Variants in PRG4 observed in about 807,000 individuals in gnomAD.
PRG4 encodes the protein proteoglycan 4, also known as articular superficial zone protein.
PRG4 carries 61 observed loss-of-function variants against 91.2 expected under a neutral mutation model. That is an observed-to-expected ratio of 0.67 (90% CI 0.54 to 0.83). PRG4 has a LOEUF of 0.83. Ranked by LOEUF, PRG4 falls within the 40% of genes least tolerant of loss-of-function variation. The pLI is 0.00. For missense variants in PRG4, 1,564 were observed against 1,714.2 expected, an observed-to-expected ratio of 0.91 and a Z score of 1.55; for synonymous variants, 576 against 614.2, an observed-to-expected ratio of 0.94 and a Z score of 0.92.
rs767376683 is a variant in PRG4, at chr1:186,304,169, A to T, written c.381A>T (p.Gln127His). The T allele has an allele frequency of 1.2e-6, 2 of 1,614,022 alleles. No individual in the cohort carries two copies. Among genetic ancestry groups the T allele is most frequent in the Non-Finnish European group, 1.7e-6 (2 of 1,179,832 alleles). ...KKAPPPSGAS[Q>H]TIKSTTKRSP... ...CACCTCCACCTTCAGGAGCATCTCA[A>T]ACCATCAAATCAACAACCAAACGTT... The change falls in exon 5 of 13, where the codon CAA becomes CAT. Residue 127 changes from glutamine to histidine, a missense_variant. By Grantham distance (24) the Gln-to-His change is conservative. Coordinates refer to ENST00000445192, the MANE Select transcript of PRG4 (RefSeq NM_005807.6).
At chr1:186,313,480 T>G in intron 12 of PRG4, 2 of 525,950 alleles carry the variant, frequency 3.8e-6, no homozygotes, top group Non-Finnish European at 6.7e-6. Context: ...GATGGTGAAA[T>G]GTCAATCTTT....
At chr1:186,310,922 TA>T in intron 8 of PRG4, 111 bp from the exon 9 acceptor site, 1 of 1,208,966 alleles carries the variant, frequency 8.3e-7, no homozygotes, top group Non-Finnish European at 1.2e-6. Flanking sequence ...TGTATCTGAC[TA>T]AACTTCCAGT....
chr1:186,300,284 C>T (rs1440442383), intron 3 of PRG4, 71 bp downstream of exon 3: 22 of 1,590,772 alleles, frequency 1.4e-5, no homozygotes, highest in Non-Finnish European at 1.7e-5. Flanking sequence ...CTTGCACCCT[C>T]GTGCAGTGCT....
At position 186,309,836 on chromosome 1, in the gene PRG4, T is replaced by G; in HGVS notation, c.3465T>G (p.Thr1155=). Residue 1155 remains threonine (T), a synonymous_variant, in exon 8 of 13, where the codon ACT becomes ACG. Coordinates refer to ENST00000445192, the MANE Select transcript of PRG4 (RefSeq NM_005807.6). ...ATGGTAAGCCAGTAGATGGACTGAC[T>G]ACTTTGCGCAATGGGACATTAGTTG... ...ICNGKPVDGL[T]TLRNGTLVAF... is the part of the protein sequence containing the mutation. 1 of 1,613,964 alleles carries G rather than the reference T, an allele frequency of 6.2e-7. No individual in the cohort carries two copies.
At chr1:186,310,716 G>A (rs531597983) in intron 8 of PRG4, among the ~76,000 whole-genome samples, 19 of 145,502 alleles carry the variant, frequency 1.3e-4, no homozygotes, top group African/African-American at 4.9e-4. Flanking sequence ...TGTCCACGCT[G>A]GTCTCAAACT....
At chr1:186,300,680 G>A (rs989307100) in intron 3 of PRG4, among the ~76,000 whole-genome samples, 6 of 152,272 alleles carry the variant, frequency 3.9e-5, no homozygotes, top group Non-Finnish European at 5.9e-5. Context: ...ATGTTAACAC[G>A]TTTGTAAATT....
chr1:186,307,749 C>G lies in PRG4; in HGVS notation c.2030C>G (p.Pro677Arg), dbSNP rs1239376187. The change falls in exon 7 of 13, where the codon CCT becomes CGT. Residue 677 changes from proline to arginine, a missense_variant. Coordinates refer to ENST00000445192, the MANE Select transcript of PRG4 (RefSeq NM_005807.6). Reference protein sequence around the residue: ...TTPKAAAPNTPKEPAPTTPKE... With the variant: ...TTPKAAAPNTRKEPAPTTPKE... ...CCCAAGGCAGCGGCTCCCAACACCC[C>G]TAAGGAGCCTGCTCCAACTACCCCT... The G allele has an allele frequency of 1.2e-6, 2 of 1,610,596 alleles. No homozygotes were observed. Among genetic ancestry groups the G allele is most frequent in the African/African-American group, 2.7e-5 (2 of 74,270 alleles).
chr1:186,310,171 TAA>T (rs578082128), intron 8 of PRG4, among the ~76,000 whole-genome samples: 2 of 127,460 alleles, frequency 1.6e-5, no homozygotes, highest in Non-Finnish European at 3.4e-5. Flanking sequence ...AAAAATAAAA[TAA>T]AATTTTAATT....
chr1:186,300,312 C>G, intron 3 of PRG4, 99 bp downstream of exon 3: 1 of 1,467,104 alleles, frequency 6.8e-7, no homozygotes, highest in Middle Eastern at 2.4e-4. Flanking sequence ...TGAGCCTCCC[C>G]TTGCACCCAC....
At position 186,308,552 on chromosome 1, in the gene PRG4, A is replaced by G. The variant is rs1230713014; in HGVS notation, c.2833A>G (p.Thr945Ala). The G allele has an allele frequency of 1.9e-6, 3 of 1,613,682 alleles. No individual in the cohort carries two copies. Reference protein sequence around the residue: ...PKMTKETATTTEKTTESKITA... With the variant: ...PKMTKETATTAEKTTESKITA... ...GATGACAAAAGAGACAGCAACTACAACAGAAAAAACTACCGAATCCAAAAT... is the reference window on the plus strand; with the variant it reads ...GATGACAAAAGAGACAGCAACTACAGCAGAAAAAACTACCGAATCCAAAAT... The change falls in exon 7 of 13, where the codon ACA becomes GCA. Residue 945 changes from threonine (T) to alanine (A), a missense_variant. Around this residue, in one of 3 missense-constraint regions of PRG4, gnomAD observed 1,079 missense variants for 1,162.2 expected, o/e 0.93. Transcript: ENST00000445192.
chr1:186,312,723 C>T (rs752727412), intron 11 of PRG4, 46 bp from the exon 12 acceptor site: 2 of 1,592,666 alleles, frequency 1.3e-6, no homozygotes, highest in East Asian at 4.5e-5. Flanking sequence ...CAAGATAGTA[C>T]ATTGCCTTTT....
At chr1:186,313,528 TTTTC>T (rs1474081661) in intron 12 of PRG4, 149 bp from the exon 13 acceptor site, 2 of 581,440 alleles carry the variant, frequency 3.4e-6, no homozygotes, top group South Asian at 2.2e-5. Flanking sequence ...AGGCAATTGT[TTTTC>T]TTTTTGTTAT....
chr1:186,298,877 T>TAA (rs575661487), intron 2 of PRG4, among the ~76,000 whole-genome samples: 41 of 151,682 alleles, frequency 2.7e-4, no homozygotes, highest in Non-Finnish European at 5.5e-4. Context: ...TCTTTATATA[T>TAA]AATATATGTA....
At chr1:186,302,115 T>C (rs1656263974) in intron 4 of PRG4, among the ~76,000 whole-genome samples, 2 of 152,188 alleles carry the variant, frequency 1.3e-5, no homozygotes, top group Admixed American at 1.3e-4. Flanking sequence ...GCCTCAGTGT[T>C]TGAGTATATA....
chr1:186,296,941 T>G lies in PRG4; in HGVS notation c.66T>G (p.Val22=), dbSNP rs747235614. ...TGTCTGTTTTCGTGATTCAGCAAGT[T>G]TCATCTCAAGGTAGCTTAACCATCG... ...LLLSVFVIQQ[V]SSQDLSSCAG... Residue 22 remains valine (V), a synonymous_variant, in exon 2 of 13, where the codon GTT becomes GTG. Coordinates refer to ENST00000445192, the MANE Select transcript of PRG4 (RefSeq NM_005807.6). The G allele has an allele frequency of 1.2e-6, 2 of 1,613,312 alleles. No individual in the cohort carries two copies. Among genetic ancestry groups the G allele is most frequent in the Non-Finnish European group, 1.7e-6 (2 of 1,179,300 alleles).
Position 186,300,226 on chromosome 1 carries a change from AGCGGGTGTCT to A in PRG4, c.199+14_199+23del, listed in dbSNP as rs751277120. 6.6e-5 allele frequency: 107 copies of A among 1,613,736 alleles called. No individual in the cohort carries two copies. In the South Asian group the frequency reaches 1.1e-3, roughly 17 times the overall value. ...GTCTGCACTGCGGGTAAGTCCTGAG[AGCGGGTGTCT>A]CCTCTGTCAAGCAACACTGCGAGTC... is the stretch of plus-strand genomic sequence containing the variant. On this transcript the variant is annotated intron_variant, in intron 3 of 12. Transcript: ENST00000445192.
chr1:186,299,693 T>C (rs764850775), intron 2 of PRG4, among the ~76,000 whole-genome samples: 3 of 152,176 alleles, frequency 2.0e-5, no homozygotes, highest in Non-Finnish European at 2.9e-5. Flanking sequence ...TACTAAATCC[T>C]GGAAACATTT....
intron 4 of PRG4, 65 bp downstream of exon 4, chr1:186,301,776 C>T (rs1557929458): frequency 6.5e-7 from 1 of 1,549,014 alleles, no homozygotes. Flanking sequence ...ACCTTAGCAT[C>T]ACTGATAATG....
chr1:186,309,733 G>T, intron 7 of PRG4, 60 bp from the exon 8 acceptor site: 1 of 1,254,318 alleles, frequency 8.0e-7, no homozygotes, highest in Non-Finnish European at 1.2e-6. Context: ...GACTTGAAAA[G>T]AACATACAGA....
Sources: gnomAD v4.1 joint callset for allele counts (sites outside exome capture counted in the v4.1 genomes callset) on GRCh38, gnomAD v4.1.1 for gene constraint, gnomAD v4.1.1 regional missense constraint, MANE v1.5 for transcripts, NCBI Gene and HGNC (gene_info 2026-07-23, HGNC 2026-07-21) for gene names.